NLGN4Y: variants seen among roughly 807,000 people sequenced by gnomAD.
NLGN4Y encodes neuroligin-4, Y-linked.
NLGN4Y carries 4 observed loss-of-function variants against 8.4 expected under a neutral mutation model. The ratio of observed to expected loss-of-function variants is 0.48; its 90% CI spans 0.23 to 1.09. NLGN4Y has a LOEUF of 1.09. NLGN4Y is among the 50% of genes least tolerant of loss of function. The pLI is 0.19. For synonymous variants in NLGN4Y, 35 were observed against 75.6 expected, an observed-to-expected ratio of 0.46 and a Z score of 2.78; for missense variants, 90 against 192.3, an observed-to-expected ratio of 0.47 and a Z score of 3.15.
chrY:14,577,814 G>A, intron 1 of NLGN4Y, among the ~76,000 whole-genome samples: 2 of 33,533 alleles, frequency 6.0e-5, no homozygotes, highest in South Asian at 1.3e-3. Flanking sequence ...TTTAATGATC[G>A]CCATTCTAAC....
At chrY:14,751,409 TTTC>T (rs2081040856) in intron 4 of NLGN4Y, among the ~76,000 whole-genome samples, 1 of 33,129 alleles carries the variant, frequency 3.0e-5, no homozygotes, top group African/African-American at 1.2e-4. Flanking sequence ...AGAATTCTGT[TTTC>T]TTCTTCTGAT....
At chrY:14,670,947 G>T (rs1022663420) in intron 2 of NLGN4Y, among the ~76,000 whole-genome samples, 6 of 33,267 alleles carry the variant, frequency 1.8e-4, no homozygotes, top group Non-Finnish European at 1.5e-4. Context: ...AAAATGTCAA[G>T]AAATAAATTA....
intron 2 of NLGN4Y, among the ~76,000 whole-genome samples, chrY:14,686,161 G>T (rs773267244): frequency 3.0e-5 from 1 of 33,199 alleles, no homozygotes; most frequent in Admixed American, 2.7e-4. Flanking sequence ...TGAGGGTCTT[G>T]TCTATATTGT....
At chrY:14,633,188 T>A (rs2150512436) in intron 2 of NLGN4Y, among the ~76,000 whole-genome samples, 1 of 33,897 alleles carries the variant, frequency 3.0e-5, no homozygotes, top group Admixed American at 2.7e-4. Context: ...ATTGGAATAT[T>A]TGGCCATTTA....
At chrY:14,785,202 A>G (rs2042958409) in intron 4 of NLGN4Y, among the ~76,000 whole-genome samples, 1 of 33,860 alleles carries the variant, frequency 3.0e-5, no homozygotes, top group Non-Finnish European at 7.3e-5. Context: ...TTCACCTCAG[A>G]AAACACTGCT....
chrY:14,645,126 G>T (rs2080604633), intron 2 of NLGN4Y, among the ~76,000 whole-genome samples: 1 of 28,974 alleles, frequency 3.5e-5, no homozygotes, highest in East Asian at 8.8e-4. Context: ...GGCCTTGTAG[G>T]TGATATTGAT....
At chrY:14,690,283 A>T (rs1569367094) in intron 2 of NLGN4Y, among the ~76,000 whole-genome samples, 1 of 33,390 alleles carries the variant, frequency 3.0e-5, no homozygotes, top group African/African-American at 1.2e-4. Flanking sequence ...TTGGAAAAAA[A>T]ATATACAGTT....
At chrY:14,724,145 A>G in intron 4 of NLGN4Y, among the ~76,000 whole-genome samples, 1 of 33,790 alleles carries the variant, frequency 3.0e-5, no homozygotes, top group African/African-American at 1.1e-4. Context: ...CATGCATTTG[A>G]TCTTGAATTG....
intron 4 of NLGN4Y, among the ~76,000 whole-genome samples, chrY:14,792,379 G>A (rs1002218243): frequency 3.6e-4 from 12 of 33,028 alleles, no homozygotes; most frequent in Non-Finnish European, 8.9e-4. Context: ...GATAGGTGAG[G>A]ACTCAGGTTA....
intron 2 of NLGN4Y, among the ~76,000 whole-genome samples, chrY:14,648,214 C>T (rs1011748870): frequency 9.0e-5 from 3 of 33,366 alleles, no homozygotes; most frequent in Admixed American, 2.7e-4. Context: ...TCAAGACCAG[C>T]GTGACTAAAA....
intron 2 of NLGN4Y, among the ~76,000 whole-genome samples, chrY:14,708,415 T>G: frequency 3.0e-5 from 1 of 33,545 alleles, no homozygotes; most frequent in African/African-American, 1.2e-4. Context: ...AATTAGGAAA[T>G]ATGGTGTTGA....
chrY:14,568,267 G>C, intron 1 of NLGN4Y, among the ~76,000 whole-genome samples: 1 of 32,604 alleles, frequency 3.1e-5, no homozygotes, highest in Non-Finnish European at 7.5e-5. Context: ...TTTCATATTA[G>C]AGACCCCTGG....
chrY:14,818,839 T>C, intron 4 of NLGN4Y, among the ~76,000 whole-genome samples: 1 of 33,088 alleles, frequency 3.0e-5, no homozygotes, highest in African/African-American at 1.2e-4. Context: ...CCCTTTTCCT[T>C]TTGGGCCTGT....
At chrY:14,749,732 A>G (rs2081036429) in intron 4 of NLGN4Y, among the ~76,000 whole-genome samples, 1 of 33,687 alleles carries the variant, frequency 3.0e-5, no homozygotes, top group Non-Finnish European at 7.3e-5. Flanking sequence ...CCAATAACCA[A>G]TGAAGATACT....
At chrY:14,691,632 CGT>C (rs2080809900) in intron 2 of NLGN4Y, among the ~76,000 whole-genome samples, 1 of 32,890 alleles carries the variant, frequency 3.0e-5, no homozygotes, top group East Asian at 7.9e-4. Context: ...CCAGAGAAAA[CGT>C]GTGTGTGTGC....
At chrY:14,533,434 C>T (rs2080120771) in intron 1 of NLGN4Y, among the ~76,000 whole-genome samples, 1 of 33,093 alleles carries the variant, frequency 3.0e-5, no homozygotes, top group Non-Finnish European at 7.4e-5. Flanking sequence ...ACTCTACTGC[C>T]GCTCATATAA....
intron 2 of NLGN4Y, among the ~76,000 whole-genome samples, chrY:14,623,604 T>C: frequency 2.9e-5 from 1 of 34,331 alleles, no homozygotes. Context: ...CTTCTCATTG[T>C]TCTTTACACT....
At chrY:14,774,506 A>G in intron 4 of NLGN4Y, among the ~76,000 whole-genome samples, 1 of 33,421 alleles carries the variant, frequency 3.0e-5, no homozygotes, top group Non-Finnish European at 7.4e-5. Context: ...AAAGTCAGGA[A>G]ACAACAAGTT....
chrY:14,624,604 C>T (rs2080522018), intron 2 of NLGN4Y, among the ~76,000 whole-genome samples: 1 of 33,279 alleles, frequency 3.0e-5, no homozygotes, highest in African/African-American at 1.2e-4. Flanking sequence ...ATAAATCTCC[C>T]CACAATGTGT....
Sources: allele counts gnomAD v4.1 joint callset (sites outside exome capture counted in the v4.1 genomes callset), GRCh38; gene constraint gnomAD v4.1.1; transcripts MANE v1.5; gene names NCBI Gene and HGNC (gene_info 2026-07-23, HGNC 2026-07-21).